The following NSD3 variants were observed in gnomAD, a reference collection of about 807,000 sequenced individuals.
NSD3 encodes the protein nuclear receptor binding SET domain protein 3, also known as histone-lysine N-methyltransferase NSD3.
A neutral mutation model predicts 160.8 loss-of-function variants in NSD3; 24 were observed. The observed-to-expected ratio is 0.15, with a 90% CI of 0.11 to 0.21. The LOEUF (loss-of-function observed/expected upper bound fraction) is 0.21. Among genes scored for constraint, NSD3 ranks in the 10% least tolerant of loss-of-function variants. NSD3 has a pLI of 1.00. For synonymous variants in NSD3, 520 were observed against 600.0 expected, an observed-to-expected ratio of 0.87 and a Z score of 1.95; for missense variants, 1,157 against 1,735.9, an observed-to-expected ratio of 0.67 and a Z score of 5.93.
chr8:38,273,736 T>C lies in NSD3; in HGVS notation c.*1905A>G, dbSNP rs573750877. The C allele has an allele frequency of 3.3e-5, 5 of 152,380 alleles. No individual in the cohort carries two copies. In the East Asian group the frequency reaches 9.6e-4, roughly 29 times the overall value. The allele number at this position is 152,380 out of a possible 1,614,324, so 9.4% of individuals were successfully genotyped here. On this transcript the variant is annotated 3_prime_UTR_variant, in exon 24 of 24. Coordinates refer to ENST00000317025, the MANE Select transcript of NSD3 (RefSeq NM_023034.2). ...TGTTTTGGTGAGCTGTATTTCATGT[T>C]ACTTGTAGCAATTATATTTGGTGAC...
chr8:38,303,777 G>A (rs1461466593), intron 14 of NSD3, among the ~76,000 whole-genome samples: 1 of 152,142 alleles, frequency 6.6e-6, no homozygotes, highest in Non-Finnish European at 1.5e-5. Flanking sequence ...ATAGTTCAGA[G>A]GGAAAGTCAG....
chr8:38,302,736 G>A (rs1405617553), intron 14 of NSD3, among the ~76,000 whole-genome samples: 2 of 152,184 alleles, frequency 1.3e-5, no homozygotes, highest in Non-Finnish European at 2.9e-5. Context: ...CTGGGGTCAA[G>A]TGATCCTCCC....
At chr8:38,349,665 T>TATA (rs1554528132) in intron 1 of NSD3, among the ~76,000 whole-genome samples, 21 of 109,806 alleles carry the variant, frequency 1.9e-4, no homozygotes, top group Admixed American at 1.0e-4. Flanking sequence ...ATTTCTTTCT[T>TATA]TATATATATA....
chr8:38,373,071 A>G (rs1002251636), intron 1 of NSD3, among the ~76,000 whole-genome samples: 4 of 151,884 alleles, frequency 2.6e-5, no homozygotes, highest in Non-Finnish European at 4.4e-5. Context: ...AAAGAAAGAA[A>G]GAAAAAAAGA....
At chr8:38,331,940 T>A (rs1264011162) in intron 4 of NSD3, among the ~76,000 whole-genome samples, 6 of 152,266 alleles carry the variant, frequency 3.9e-5, no homozygotes, top group Non-Finnish European at 5.9e-5. Context: ...GGAGTTCTTG[T>A]TGTTAGAGAC....
chr8:38,307,121 A>T (rs926439378), intron 12 of NSD3, among the ~76,000 whole-genome samples: 86 of 139,048 alleles, frequency 6.2e-4, no homozygotes, highest in African/African-American at 2.1e-3. Flanking sequence ...TCTCAAAAAA[A>T]AAAAAAATAA....
intron 1 of NSD3, among the ~76,000 whole-genome samples, 190 bp from the exon 2 acceptor site, chr8:38,348,405 T>C (rs1810586016): frequency 6.6e-6 from 1 of 152,232 alleles, no homozygotes; most frequent in Non-Finnish European, 1.5e-5. Context: ...TTATCTTCAA[T>C]GCTTATCTGT....
chr8:38,340,036 T>C (rs910590374), intron 2 of NSD3, among the ~76,000 whole-genome samples: 5 of 152,158 alleles, frequency 3.3e-5, no homozygotes, highest in African/African-American at 7.2e-5. Flanking sequence ...CTTTTGGGAA[T>C]GACATGAGGG....
chr8:38,370,083 C>A lies in NSD3; in HGVS notation c.-45+11716G>T, dbSNP rs530166852. ...TGCTGGGATTACAGGTGTGAGCCAC[C>A]ACGCCCAGCCAGCCCACCCAGTTTT... On this transcript the variant is annotated intron_variant, in intron 1 of 23. Coordinates refer to ENST00000317025, the MANE Select transcript of NSD3 (RefSeq NM_023034.2). Among the ~76,000 whole-genome samples, 266 of 152,246 alleles carry A rather than the reference C, an allele frequency of 1.7e-3. 1 individual carries two copies. The highest frequency in any genetic ancestry group is 3.3e-3 in the Non-Finnish European group (224 of 68,020).
Position 38,272,720 on chromosome 8 carries a change from GAATA to G in NSD3, c.*2917_*2920del, listed in dbSNP as rs1808512765. The G allele has an allele frequency of 6.6e-6, 1 of 152,148 alleles. No individual in the cohort carries two copies. The allele number at this position is 152,148 out of a possible 1,614,324, so 9.4% of individuals were successfully genotyped here. A position where few individuals can be genotyped will look rare whatever the true frequency, so the allele number is the denominator to read the frequency against. ...TTTAAGTTATTTCATTGTTGGACAA[GAATA>G]AAAACCAGCCACTTACACTCTGACC... is the stretch of plus-strand genomic sequence containing the variant. On this transcript the variant is annotated 3_prime_UTR_variant, in exon 24 of 24. Transcript: ENST00000317025.
At chr8:38,335,062 C>T (rs1326978496) in intron 4 of NSD3, among the ~76,000 whole-genome samples, 1 of 149,206 alleles carries the variant, frequency 6.7e-6, no homozygotes, top group African/African-American at 2.5e-5. Flanking sequence ...CGGCTCACTG[C>T]AACCGCAACC....
In NSD3 at chr8:38,270,977, C is replaced by T. The variant is rs145656563; in HGVS notation, c.*4664G>A. 8.5e-5 allele frequency: 13 copies of T among 152,182 alleles called. No homozygotes were observed. The highest frequency in any genetic ancestry group is 5.2e-4 in the Admixed American group (8 of 15,294). 9.4% of individuals were successfully genotyped at this position (152,182 alleles called of 1,614,324 possible). A position where few individuals can be genotyped will look rare whatever the true frequency, so the allele number is the denominator to read the frequency against. On this transcript the variant is annotated 3_prime_UTR_variant, in exon 24 of 24. Transcript: ENST00000317025. ...GATTACCCACATTTTGGGAGTGTAA[C>T]GTAAGTGCAATTTTTTGTTTTGTTT...
chr8:38,276,046 A>G (rs1808593328), intron 23 of NSD3, 164 bp from the exon 24 acceptor site: 1 of 798,516 alleles, frequency 1.3e-6, no homozygotes, highest in East Asian at 2.7e-5. Context: ...ACAGTTTAGG[A>G]TGGATGTGAG....
intron 22 of NSD3, among the ~76,000 whole-genome samples, chr8:38,277,555 G>C (rs1013960557): frequency 6.6e-6 from 1 of 152,200 alleles, no homozygotes; most frequent in South Asian, 2.1e-4. Context: ...GGGATTACAG[G>C]CGTGAGCCAC....
In NSD3 at chr8:38,277,904, G is replaced by A. The variant is rs1371239773; in HGVS notation, c.3867+402C>T. 4.0e-5 allele frequency among the ~76,000 whole-genome samples: 6 copies of A among 151,404 alleles called. No homozygotes were observed. In the East Asian group the frequency reaches 1.2e-3, roughly 29 times the overall value. On this transcript the variant is annotated intron_variant, in intron 22 of 23. Transcript: ENST00000317025. ...AATCCAGGTGCCCAATTGCCAGCAG[G>A]TTCCTGAGATGGTCACAAACACACA...
At chr8:38,374,661 TG>T (rs1811344245) in intron 1 of NSD3, among the ~76,000 whole-genome samples, 1 of 152,160 alleles carries the variant, frequency 6.6e-6, no homozygotes, top group African/African-American at 2.4e-5. Flanking sequence ...ACAGTCTATT[TG>T]GCCTGAAGGG....
chr8:38,283,091 A>C (rs994182557), intron 19 of NSD3, among the ~76,000 whole-genome samples: 3 of 152,200 alleles, frequency 2.0e-5, no homozygotes, highest in African/African-American at 4.8e-5. Context: ...CCAGCAGTTC[A>C]TGAGATCCAC....
intron 1 of NSD3, among the ~76,000 whole-genome samples, chr8:38,377,619 C>T (rs1367229813): frequency 6.6e-6 from 1 of 152,160 alleles, no homozygotes; most frequent in East Asian, 1.9e-4. Flanking sequence ...TCCCAAAGCG[C>T]TGGGATTACA....
rs1316023456 is a variant in NSD3, at chr8:38,319,618, T to C, written c.1810-678A>G. 1 of 152,286 alleles carries C rather than the reference T, an allele frequency of 6.6e-6. No individual in the cohort carries two copies. The highest frequency in any genetic ancestry group is 1.9e-4 in the East Asian group (1 of 5,194). 9.4% of individuals were successfully genotyped at this position (152,286 alleles called of 1,614,324 possible). On this transcript the variant is annotated intron_variant, in intron 8 of 23. Transcript: ENST00000317025. This position sits in a 1 kb window ranked among gnomAD's most constrained non-coding sequence, Gnocchi z 4.1. ...TGTAAAACACGTGGTAATTTGAGGA[T>C]TGAACCATTGGAATTAGAGAAAGGA... is the stretch of plus-strand genomic sequence containing the variant.
Sources: gnomAD v4.1 joint callset for allele counts (sites outside exome capture counted in the v4.1 genomes callset) on GRCh38, gnomAD v4.1.1 for gene constraint, Gnocchi (gnomAD v3.1) non-coding constraint, MANE v1.5 for transcripts, NCBI Gene and HGNC (gene_info 2026-07-23, HGNC 2026-07-21) for gene names.